Variants in ANKMY1 observed in about 807,000 individuals in gnomAD.
ANKMY1 encodes ankyrin repeat and MYND domain containing 1.
ANKMY1 carries 98 observed loss-of-function variants against 102.0 expected under a neutral mutation model. The observed-to-expected ratio is 0.96, with a 90% CI of 0.82 to 1.14. The LOEUF (loss-of-function observed/expected upper bound fraction) is 1.14, where lower values mean the gene tolerates loss of function less well. ANKMY1 is among the 50% of genes most tolerant of loss of function. The pLI, the probability that ANKMY1 is intolerant of heterozygous loss-of-function variation, is 0.00. For missense variants in ANKMY1, 1,330 were observed against 1,347.6 expected (o/e 0.99, Z 0.20); for synonymous variants, 582 against 559.9 (o/e 1.04, Z -0.56).
In ANKMY1 at chr2:240,524,127, G is replaced by A. The variant is rs149945594; in HGVS notation, c.1590C>T (p.Ser530=). The change falls in exon 8 of 18, where the codon AGC becomes AGT. Residue 530 remains serine, a synonymous_variant. Coordinates refer to ENST00000401804, the MANE Select transcript of ANKMY1 (RefSeq NM_001282771.3). ...CAAGCCCGCTTTCCACATGGCCAAGGCTGCCCTTCACCAACGGGGAGTCCC... is the reference window on the plus strand; with the variant it reads ...CAAGCCCGCTTTCCACATGGCCAAGACTGCCCTTCACCAACGGGGAGTCCC... ...LKGDSPLVKG[S]LGHVESGLED... is the part of the protein sequence containing the mutation. 1 of 1,613,888 alleles carries A rather than the reference G, an allele frequency of 6.2e-7. No homozygotes were observed. Among genetic ancestry groups the A allele is most frequent in the African/African-American group, 1.3e-5 (1 of 74,924 alleles).
chr2:240,489,997 G>A (rs574602365), intron 15 of ANKMY1, among the ~76,000 whole-genome samples: 20 of 151,986 alleles, frequency 1.3e-4, no homozygotes, highest in Middle Eastern at 3.4e-3. Flanking sequence ...TGGTAGACTC[G>A]ATGTTTCTAG....
the ANKMY1 span, among the ~76,000 whole-genome samples, chr2:240,474,262 A>ATTTTTTT: frequency 1.1e-5 from 1 of 90,984 alleles, no homozygotes; most frequent in Non-Finnish European, 2.0e-5. Flanking sequence ...TGCCTGGCTA[A>ATTTTTTT]TTTTTTTTTT....
At chr2:240,472,239 G>T in the ANKMY1 span, among the ~76,000 whole-genome samples, 120 of 124,304 alleles carry the variant, frequency 9.7e-4, 2 homozygotes, top group African/African-American at 3.3e-3. Flanking sequence ...GGCCGCACGC[G>T]GGGAGGCAGG....
At chr2:240,556,981 A>G (rs1390097231) in intron 2 of ANKMY1, among the ~76,000 whole-genome samples, 1 of 151,854 alleles carries the variant, frequency 6.6e-6, no homozygotes, top group Non-Finnish European at 1.5e-5. Flanking sequence ...GCAGGCAGGA[A>G]GGGACATGAG....
intron 15 of ANKMY1, among the ~76,000 whole-genome samples, chr2:240,489,811 T>A (rs570334559): frequency 1.3e-5 from 2 of 152,332 alleles, no homozygotes; most frequent in African/African-American, 4.8e-5. Context: ...CTCCTTAATT[T>A]TTTGGAATGG....
chr2:240,503,997 C>T (rs761331078), intron 13 of ANKMY1, among the ~76,000 whole-genome samples: 4 of 152,238 alleles, frequency 2.6e-5, no homozygotes, highest in Non-Finnish European at 5.9e-5. Context: ...ACCAGGGTCA[C>T]AACCCTGCAA....
At chr2:240,518,500 C>T (rs2081574829) in intron 9 of ANKMY1, among the ~76,000 whole-genome samples, 2 of 152,212 alleles carry the variant, frequency 1.3e-5, no homozygotes, top group South Asian at 2.1e-4. Flanking sequence ...CCTGGTGCAG[C>T]ACCCAATTAA....
At position 240,529,002 on chromosome 2, in the gene ANKMY1, C is replaced by T. The variant is rs749876416; in HGVS notation, c.953+35G>A. ...TGCCTAGGGCAGCCTGCACAGTGCACGGCCCTAGGGGAGGAGCAGTAGCAG... is the reference window on the plus strand; with the variant it reads ...TGCCTAGGGCAGCCTGCACAGTGCATGGCCCTAGGGGAGGAGCAGTAGCAG... On this transcript the variant is annotated intron_variant, in intron 5 of 17. Transcript: ENST00000401804. The surrounding 1 kb of genome is among the most constrained non-coding windows in gnomAD (Gnocchi z 4.2). The T allele has an allele frequency of 1.4e-5, 23 of 1,598,744 alleles. No individual in the cohort carries two copies. The highest frequency in any genetic ancestry group is 2.0e-5 in the Non-Finnish European group (23 of 1,167,988).
At chr2:240,509,015 T>A (rs1360640410) in intron 12 of ANKMY1, among the ~76,000 whole-genome samples, 6 of 151,662 alleles carry the variant, frequency 4.0e-5, no homozygotes, top group Non-Finnish European at 1.5e-5. Context: ...GATGAATAAG[T>A]GGGTGGGTAG....
chr2:240,483,507 C>T (rs1039277971), intron 15 of ANKMY1, among the ~76,000 whole-genome samples: 10 of 152,170 alleles, frequency 6.6e-5, no homozygotes, highest in African/African-American at 2.4e-4. Flanking sequence ...ATAGATGGAT[C>T]TTGTGTTTTT....
intron 4 of ANKMY1, among the ~76,000 whole-genome samples, chr2:240,530,720 T>C (rs2085153103): frequency 6.6e-6 from 1 of 152,128 alleles, no homozygotes; most frequent in Non-Finnish European, 1.5e-5. Context: ...CTGATCGCCA[T>C]TGAAGGGTGT....
In ANKMY1 at chr2:240,505,109, G is replaced by A. The variant is rs181324768; in HGVS notation, c.2526+2451C>T. Among the ~76,000 whole-genome samples the A allele has an allele frequency of 9.2e-5, 14 of 152,276 alleles. No individual in the cohort carries two copies. The East Asian group carries it at 2.5e-3, about 27-fold the overall frequency. ...TGGAGTGACTGGAACTCTGTGCACT[G>A]TTGGTGAGAACATGAAACAGTGCAG... On this transcript the variant is annotated intron_variant, in intron 13 of 17. Coordinates refer to ENST00000401804, the MANE Select transcript of ANKMY1 (RefSeq NM_001282771.3).
intron 9 of ANKMY1, among the ~76,000 whole-genome samples, chr2:240,513,257 C>A (rs1428077480): frequency 6.6e-6 from 1 of 152,222 alleles, no homozygotes; most frequent in Non-Finnish European, 1.5e-5. Flanking sequence ...AGAAAAGCCT[C>A]TCCCTGCCCT....
At chr2:240,531,740 G>T (rs2085443596) in intron 4 of ANKMY1, among the ~76,000 whole-genome samples, 1 of 152,204 alleles carries the variant, frequency 6.6e-6, no homozygotes, top group South Asian at 2.1e-4. Flanking sequence ...GGAGGTAGGG[G>T]TTTACTATAA....
intron 9 of ANKMY1, among the ~76,000 whole-genome samples, chr2:240,515,400 C>T (rs1407381060): frequency 3.3e-5 from 5 of 151,842 alleles, no homozygotes; most frequent in Admixed American, 1.3e-4. Context: ...CTAGGTGTGG[C>T]GGCAGGCGCC....
At position 240,520,004 on chromosome 2, in the gene ANKMY1, T is replaced by A. The variant is rs148406186; in HGVS notation, c.2004+358A>T. 2.7e-4 allele frequency: 134 copies of A among 498,510 alleles called. No individual in the cohort carries two copies. The highest frequency in any genetic ancestry group is 2.4e-3 in the African/African-American group (123 of 51,568). 30.9% of individuals were successfully genotyped at this position (498,510 alleles called of 1,614,324 possible). On this transcript the variant is annotated intron_variant, in intron 9 of 17. Transcript: ENST00000401804. This position sits in a 1 kb window ranked among gnomAD's most constrained non-coding sequence, Gnocchi z 4.8. Reference sequence around the variant, plus strand: ...CCCTTTGCCTCTCCTGCCTGCGTCCTTGTGATGCTGAGCGTGGGTTGAAAG... The same window carrying A: ...CCCTTTGCCTCTCCTGCCTGCGTCCATGTGATGCTGAGCGTGGGTTGAAAG...
intron 9 of ANKMY1, among the ~76,000 whole-genome samples, chr2:240,516,547 T>C (rs987693033): frequency 9.2e-5 from 14 of 152,232 alleles, no homozygotes; most frequent in African/African-American, 1.2e-4. Context: ...ATTGTTAAGT[T>C]GTTGTCTGAC....
At chr2:240,549,701 T>C (rs1453504982) in intron 4 of ANKMY1, among the ~76,000 whole-genome samples, 3 of 152,116 alleles carry the variant, frequency 2.0e-5, no homozygotes, top group African/African-American at 4.8e-5. Context: ...AAAAAGTGGG[T>C]GAAGGACATG....
intron 8 of ANKMY1, among the ~76,000 whole-genome samples, chr2:240,521,623 C>G (rs867608625): frequency 1.3e-5 from 2 of 151,522 alleles, no homozygotes; most frequent in Admixed American, 1.3e-4. Context: ...CTCAGCCTCC[C>G]AAGTAGCCGG....
Sources: allele counts gnomAD v4.1 joint callset (sites outside exome capture counted in the v4.1 genomes callset), GRCh38; gene constraint gnomAD v4.1.1; non-coding constraint Gnocchi (gnomAD v3.1); transcripts MANE v1.5; gene names NCBI Gene and HGNC (gene_info 2026-07-23, HGNC 2026-07-21).